Variants in CSNK1E observed in about 807,000 individuals in gnomAD.
The protein encoded by CSNK1E is casein kinase 1 epsilon.
In CSNK1E, 17 loss-of-function variants were observed where a neutral mutation model predicts 46.1. The observed-to-expected ratio is 0.37, with a 90% CI of 0.25 to 0.55. The LOEUF (loss-of-function observed/expected upper bound fraction) is 0.55, where lower values mean the gene tolerates loss of function less well. Among genes scored for constraint, CSNK1E ranks in the 20% least tolerant of loss-of-function variants. The pLI is 0.82. For missense variants in CSNK1E, 386 were observed against 595.4 expected, an observed-to-expected ratio of 0.65 and a Z score of 3.66; for synonymous variants, 241 against 242.6, an observed-to-expected ratio of 0.99 and a Z score of 0.06.
rs543667139 is a variant in CSNK1E, at chr22:38,309,228, G to A, written c.76+4854C>T. ...TACGAAAGGGCTGGAGGAGGCTAGA[G>A]GGGTAGTGGAAGGCCTGGGAAGGCC... On this transcript the variant is annotated intron_variant, in intron 2 of 10. Coordinates refer to ENST00000396832, the MANE Select transcript of CSNK1E (RefSeq NM_152221.3). The surrounding 1 kb of genome is among the most constrained non-coding windows in gnomAD (Gnocchi z 4.8). Among the ~76,000 whole-genome samples the A allele has an allele frequency of 6.6e-6, 1 of 152,338 alleles. No homozygotes were observed. The highest frequency in any genetic ancestry group is 1.5e-5 in the Non-Finnish European group (1 of 68,020).
At chr22:38,314,010 T>C in intron 2 of CSNK1E, 72 bp downstream of exon 2, 1 of 1,366,504 alleles carries the variant, frequency 7.3e-7, no homozygotes, top group Non-Finnish European at 1.0e-6. Flanking sequence ...GATCCCCAAA[T>C]CCTGGGGTCT....
intron 4 of CSNK1E, among the ~76,000 whole-genome samples, chr22:38,301,694 A>G (rs1193754737): frequency 6.6e-6 from 1 of 152,174 alleles, no homozygotes. Flanking sequence ...TCGGCCTCCC[A>G]AAGTGCTGGG....
chr22:38,311,844 G>A lies in CSNK1E; in HGVS notation c.76+2238C>T, dbSNP rs369767617. ...TTTTTTGATGGAGTCTTGCTTTGTC[G>A]CCCAGGCTGGAGTGCAATGACACGA... On this transcript the variant is annotated intron_variant, in intron 2 of 10. Transcript: ENST00000396832. Among the ~76,000 whole-genome samples, 62 of 142,528 alleles carry A rather than the reference G, an allele frequency of 4.4e-4. 2 individuals carry two copies. In the East Asian group the frequency reaches 4.4e-3, roughly 10 times the overall value. 93.5% of individuals were successfully genotyped at this position (142,528 alleles called of 152,430 possible). A position where few individuals can be genotyped will look rare whatever the true frequency, so the allele number is the denominator to read the frequency against.
rs769176755 is a variant in CSNK1E, at chr22:38,303,091, C to T, written c.187+47G>A. The T allele has an allele frequency of 1.4e-5, 23 of 1,594,302 alleles. No homozygotes were observed. Among genetic ancestry groups the T allele is most frequent in the Admixed American group, 1.7e-5 (1 of 59,268 alleles). On this transcript the variant is annotated intron_variant, in intron 3 of 10. Transcript: ENST00000396832. The surrounding 1 kb of genome is among the most constrained non-coding windows in gnomAD (Gnocchi z 4.7). ...CCGGCCCACCCTGTGCTCATGGCTG[C>T]CCACCGCCACCCACCCGGCGCCCGC...
rs926143832 is a variant in CSNK1E, at chr22:38,302,191, G to A, written c.336+670C>T. 5.9e-5 allele frequency among the ~76,000 whole-genome samples: 9 copies of A among 152,046 alleles called. No individual in the cohort carries two copies. The East Asian group carries it at 7.7e-4, about 13-fold the overall frequency. On this transcript the variant is annotated intron_variant, in intron 4 of 10. Transcript: ENST00000396832. ...CAGGACCAGGTCTGTGTGACCGACC[G>A]CAGGCTTTACATTACCCAGGGCAGG...
chr22:38,297,615 G>A, intron 7 of CSNK1E: 1 of 995,118 alleles, frequency 1.0e-6, no homozygotes. Context: ...AGCAAGAGGA[G>A]GTGTTTAATG....
At chr22:38,299,827 G>A in intron 6 of CSNK1E, 68 bp downstream of exon 6, 1 of 1,555,478 alleles carries the variant, frequency 6.4e-7, no homozygotes. Flanking sequence ...GCTTTGTATG[G>A]CCTCACCTTT....
intron 7 of CSNK1E, among the ~76,000 whole-genome samples, chr22:38,295,773 A>G (rs1309381823): frequency 6.6e-6 from 1 of 152,166 alleles, no homozygotes; most frequent in African/African-American, 2.4e-5. Flanking sequence ...AGAACACTCT[A>G]GAAGATGCAT....
At chr22:38,296,441 T>C (rs1038390102) in intron 7 of CSNK1E, 18 of 1,477,238 alleles carry the variant, frequency 1.2e-5, no homozygotes, top group Admixed American at 7.2e-5. Flanking sequence ...CTGTCTACTG[T>C]TGGGTAGCAT....
intron 1 of CSNK1E, 65 bp from the exon 2 acceptor site, chr22:38,314,234 C>T (rs1432532952): frequency 3.1e-6 from 4 of 1,292,652 alleles, no homozygotes; most frequent in Non-Finnish European, 3.3e-6. Context: ...TCCAGTCCAC[C>T]AAGGCCAGGC....
At chr22:38,296,373 C>T (rs1602542496) in intron 7 of CSNK1E, 7 of 1,393,526 alleles carry the variant, frequency 5.0e-6, no homozygotes, top group African/African-American at 4.4e-5. Flanking sequence ...GAGTGGCTTC[C>T]AGGCCCCAGG....
intron 2 of CSNK1E, among the ~76,000 whole-genome samples, chr22:38,307,878 T>C (rs113075284): frequency 0.072 from 10,957 of 152,234 alleles, 544 homozygotes; most frequent in Admixed American, 0.17. Flanking sequence ...GTATTTTTTG[T>C]AGACAGGGTT....
intron 2 of CSNK1E, among the ~76,000 whole-genome samples, chr22:38,308,378 G>C (rs1241008419): frequency 6.6e-6 from 1 of 152,142 alleles, no homozygotes; most frequent in African/African-American, 2.4e-5. Context: ...AGGATCCTTA[G>C]AGTCCCCTGG....
At chr22:38,296,737 AG>A in intron 7 of CSNK1E, 1 of 1,590,288 alleles carries the variant, frequency 6.3e-7, no homozygotes, top group Non-Finnish European at 8.6e-7. Context: ...AGACTCCATA[AG>A]GGAGGAACCT....
chr22:38,302,520 G>A (rs59373039), intron 4 of CSNK1E, among the ~76,000 whole-genome samples: 1,758 of 152,258 alleles, frequency 0.012, 23 homozygotes, highest in African/African-American at 0.022. Flanking sequence ...TAAGATGGGC[G>A]GATCACTTGG....
chr22:38,298,665 T>G lies in CSNK1E; in HGVS notation c.885+121A>C. 2 of 1,172,730 alleles carry G rather than the reference T, an allele frequency of 1.7e-6. No individual in the cohort carries two copies. Among genetic ancestry groups the G allele is most frequent in the Non-Finnish European group, 2.5e-6 (2 of 811,102 alleles). The allele number at this position is 1,172,730 out of a possible 1,614,324, so 72.6% of individuals were successfully genotyped here. A position where few individuals can be genotyped will look rare whatever the true frequency, so the allele number is the denominator to read the frequency against. On this transcript the variant is annotated intron_variant, in intron 7 of 10. Coordinates refer to ENST00000396832, the MANE Select transcript of CSNK1E (RefSeq NM_152221.3). The surrounding 1 kb of genome is among the most constrained non-coding windows in gnomAD (Gnocchi z 4.2). ...GGGACCCCAGTGAGGTCAACCACACTGTCCAGCTCGTACCTCCCGTCTGTC... is the reference window on the plus strand; with the variant it reads ...GGGACCCCAGTGAGGTCAACCACACGGTCCAGCTCGTACCTCCCGTCTGTC...
Position 38,317,193 on chromosome 22 carries a change from TCGGGGGGCTGCCGCGGG to T in CSNK1E, c.-63_-47del. ...GAAGGCGCCGATGCCGGGCCACTGC[TCGGGGGGCTGCCGCGGG>T]CGGGGGCGGCCCGCCGGGGCGGATG... is the stretch of plus-strand genomic sequence containing the variant. On this transcript the variant is annotated 5_prime_UTR_variant, in exon 1 of 11. Transcript: ENST00000396832. 6.7e-6 allele frequency: 1 copy of T among 149,964 alleles called. No individual in the cohort carries two copies. Among genetic ancestry groups the T allele is most frequent in the Middle Eastern group, 3.5e-3 (1 of 282 alleles). The allele number at this position is 149,964 out of a possible 1,614,324, so 9.3% of individuals were successfully genotyped here. A position where few individuals can be genotyped will look rare whatever the true frequency, so the allele number is the denominator to read the frequency against.
At position 38,298,618 on chromosome 22, in the gene CSNK1E, A is replaced by C. The variant is rs1602545423; in HGVS notation, c.885+168T>G. 3 of 743,616 alleles carry C rather than the reference A, an allele frequency of 4.0e-6. No individual in the cohort carries two copies. The highest frequency in any genetic ancestry group is 6.6e-6 in the Non-Finnish European group (3 of 451,434). The allele number at this position is 743,616 out of a possible 1,614,324, so 46.1% of individuals were successfully genotyped here. The stretch of plus-strand genomic sequence containing the variant: ...GCCCATGGTGGCACAAGCTGTCAGC[A>C]CGGATGAGGCTGGAGGGCTCTGGGA... On this transcript the variant is annotated intron_variant, in intron 7 of 10. Transcript: ENST00000396832. This position sits in a 1 kb window ranked among gnomAD's most constrained non-coding sequence, Gnocchi z 4.2.
chr22:38,311,305 A>G (rs1392227688), intron 2 of CSNK1E, among the ~76,000 whole-genome samples: 2 of 152,166 alleles, frequency 1.3e-5, no homozygotes, highest in African/African-American at 4.8e-5. Context: ...CAGCACCCAA[A>G]CCTAGGTCGA....
Sources: allele counts gnomAD v4.1 joint callset (sites outside exome capture counted in the v4.1 genomes callset), GRCh38; gene constraint gnomAD v4.1.1; non-coding constraint Gnocchi (gnomAD v3.1); transcripts MANE v1.5; gene names NCBI Gene and HGNC (gene_info 2026-07-23, HGNC 2026-07-21).